Variants in ADAMTSL1 observed in about 807,000 individuals in gnomAD.
ADAMTSL1 encodes ADAMTS-like protein 1.
A neutral mutation model predicts 201.8 loss-of-function variants in ADAMTSL1; 126 were observed. The ratio of observed to expected loss-of-function variants is 0.62; its 90% CI spans 0.54 to 0.72. The LOEUF is 0.72. Among genes scored for constraint, ADAMTSL1 ranks in the 30% least tolerant of loss-of-function variants. ADAMTSL1 has a pLI of 0.00. For synonymous variants in ADAMTSL1, 1,121 were observed against 903.4 expected (o/e 1.24, Z -4.32); for missense variants, 2,679 against 2,277.8 (o/e 1.18, Z -3.59).
chr9:18,634,555 A>G (rs1464784512), intron 5 of ADAMTSL1, among the ~76,000 whole-genome samples: 1 of 151,740 alleles, frequency 6.6e-6, no homozygotes, highest in African/African-American at 2.4e-5. Context: ...AAATAATAAT[A>G]AGGGCTGAGT....
At chr9:18,283,556 T>C (rs1371315797) in intron 2 of ADAMTSL1, among the ~76,000 whole-genome samples, 3 of 133,450 alleles carry the variant, frequency 2.2e-5, no homozygotes, top group Non-Finnish European at 3.1e-5. Context: ...CAGTGAGCCA[T>C]GATTGCACCA....
intron 4 of ADAMTSL1, among the ~76,000 whole-genome samples, chr9:18,584,215 T>G (rs1823313676): frequency 6.6e-6 from 1 of 152,194 alleles, no homozygotes; most frequent in African/African-American, 2.4e-5. Context: ...GATTGAATTA[T>G]GGGTGCAGGT....
intron 1 of ADAMTSL1, among the ~76,000 whole-genome samples, chr9:17,977,335 T>C (rs1818495427): frequency 6.6e-6 from 1 of 152,122 alleles, no homozygotes; most frequent in Non-Finnish European, 1.5e-5. Context: ...AATGCTGGCC[T>C]TATAAAATTA....
At chr9:18,083,629 G>T (rs1823613026) in intron 1 of ADAMTSL1, among the ~76,000 whole-genome samples, 1 of 152,186 alleles carries the variant, frequency 6.6e-6, no homozygotes, top group South Asian at 2.1e-4. Flanking sequence ...CAGTCATCTG[G>T]AATTCCAATT....
chr9:18,465,383 C>T (rs751899267), intron 2 of ADAMTSL1, among the ~76,000 whole-genome samples: 2 of 152,208 alleles, frequency 1.3e-5, no homozygotes, highest in Non-Finnish European at 2.9e-5. Flanking sequence ...AATACAGAAG[C>T]ATTGTGATAT....
chr9:18,639,335 G>A lies in ADAMTSL1; in HGVS notation c.758G>A (p.Ser253Asn), dbSNP rs1224542503. The change falls in exon 7 of 29, where the codon AGT (serine) becomes AAT (asparagine). Residue 253 changes from serine (S) to asparagine (N), a missense_variant. Coordinates refer to ENST00000380548, the MANE Select transcript of ADAMTSL1 (RefSeq NM_001040272.6). ...GGAACTTTCCTTGTGGACAATTCTA[G>A]TGTGGACTTCCAGAAATTTCCAGAC... is the stretch of plus-strand genomic sequence containing the variant. Reference protein sequence around the residue: ...STGTFLVDNSSVDFQKFPDKE... With the variant: ...STGTFLVDNSNVDFQKFPDKE... 54 of 1,613,066 alleles carry A rather than the reference G, an allele frequency of 3.3e-5. No homozygotes were observed. Among genetic ancestry groups the A allele is most frequent in the Non-Finnish European group, 4.3e-5 (51 of 1,179,352 alleles).
At chr9:18,359,537 C>A (rs1422007334) in intron 2 of ADAMTSL1, among the ~76,000 whole-genome samples, 1 of 152,154 alleles carries the variant, frequency 6.6e-6, no homozygotes, top group African/African-American at 2.4e-5. Flanking sequence ...ATATTTGAAT[C>A]AAGGTCCTTG....
chr9:18,331,362 T>C (rs1371552145), intron 2 of ADAMTSL1, among the ~76,000 whole-genome samples: 2 of 152,172 alleles, frequency 1.3e-5, no homozygotes, highest in Non-Finnish European at 2.9e-5. Context: ...GCTGTGTGAG[T>C]ATCATCTATC....
At chr9:18,229,619 A>G (rs1165922241) in intron 2 of ADAMTSL1, among the ~76,000 whole-genome samples, 1 of 152,152 alleles carries the variant, frequency 6.6e-6, no homozygotes, top group Non-Finnish European at 1.5e-5. Flanking sequence ...TTAGACTTAA[A>G]AAAGCTACCA....
intron 3 of ADAMTSL1, among the ~76,000 whole-genome samples, chr9:18,569,092 A>G (rs1224546912): frequency 6.6e-6 from 1 of 152,132 alleles, no homozygotes; most frequent in Non-Finnish European, 1.5e-5. Flanking sequence ...TGTACATTTC[A>G]CCCGGTGAGT....
Position 18,688,704 on chromosome 9 carries a change from A to ATATATATC in ADAMTSL1, c.1574+3909_1574+3910insATCTATAT, listed in dbSNP as rs138160150. ...AAAAAAAAAAAATATATATATATAT[A>ATATATATC]TATATGACTGTGACTAAGAATGCCT... is the stretch of plus-strand genomic sequence containing the variant. On this transcript the variant is annotated intron_variant, in intron 13 of 28. Coordinates refer to ENST00000380548, the MANE Select transcript of ADAMTSL1 (RefSeq NM_001040272.6). 5.9e-4 allele frequency among the ~76,000 whole-genome samples: 43 copies of ATATATATC among 72,464 alleles called. 2 individuals are homozygous for ATATATATC. Among genetic ancestry groups the ATATATATC allele is most frequent in the Middle Eastern group, 0.016 (2 of 124 alleles). The allele number at this position is 72,464 out of a possible 152,430, so 47.5% of individuals were successfully genotyped here. A position where few individuals can be genotyped will look rare whatever the true frequency, so the allele number is the denominator to read the frequency against.
At chr9:18,055,493 A>G (rs1490379308) in intron 1 of ADAMTSL1, among the ~76,000 whole-genome samples, 1 of 152,224 alleles carries the variant, frequency 6.6e-6, no homozygotes, top group Non-Finnish European at 1.5e-5. Context: ...ATAAACTATA[A>G]ATAAGCCCCT....
intron 2 of ADAMTSL1, among the ~76,000 whole-genome samples, chr9:18,353,284 A>C (rs1487447295): frequency 6.6e-6 from 1 of 152,230 alleles, no homozygotes; most frequent in Non-Finnish European, 1.5e-5. Context: ...CTTACTATGC[A>C]CTAGACAGGG....
At chr9:18,327,237 A>C (rs932660523) in intron 2 of ADAMTSL1, among the ~76,000 whole-genome samples, 6 of 152,364 alleles carry the variant, frequency 3.9e-5, no homozygotes, top group African/African-American at 1.4e-4. Context: ...TTACCAAATC[A>C]ACTGAAACAT....
chr9:18,733,561 T>G (rs976633898), intron 15 of ADAMTSL1, among the ~76,000 whole-genome samples: 6 of 152,200 alleles, frequency 3.9e-5, no homozygotes, highest in African/African-American at 1.2e-4. Flanking sequence ...TGTATCTTTG[T>G]TCTGCCACTG....
intron 24 of ADAMTSL1, among the ~76,000 whole-genome samples, chr9:18,889,022 C>T (rs1829074849): frequency 6.6e-6 from 1 of 152,186 alleles, no homozygotes; most frequent in African/African-American, 2.4e-5. Context: ...ATCAGTGAGT[C>T]CCAGACCCCC....
chr9:18,463,890 G>A (rs964119755), intron 2 of ADAMTSL1, among the ~76,000 whole-genome samples: 5 of 152,168 alleles, frequency 3.3e-5, no homozygotes, highest in African/African-American at 1.2e-4. Flanking sequence ...TGGAATTGCT[G>A]CATCATATGG....
chr9:18,411,162 CTTTATTTATTTATTTATTTA>C (rs35217994), intron 2 of ADAMTSL1, among the ~76,000 whole-genome samples: 2 of 142,312 alleles, frequency 1.4e-5, no homozygotes, highest in Non-Finnish European at 3.0e-5. Flanking sequence ...GCACCCAGCC[CTTTATTTATTTATTTATTTA>C]TTTATTTATT....
intron 2 of ADAMTSL1, among the ~76,000 whole-genome samples, chr9:18,333,351 C>T (rs778989369): frequency 6.6e-6 from 1 of 152,058 alleles, no homozygotes; most frequent in Admixed American, 6.6e-5. Context: ...GTGTCATAAG[C>T]GTCTGGCATT....
Sources: allele counts gnomAD v4.1 joint callset (sites outside exome capture counted in the v4.1 genomes callset), GRCh38; gene constraint gnomAD v4.1.1; transcripts MANE v1.5; gene names NCBI Gene and HGNC (gene_info 2026-07-23, HGNC 2026-07-21).